The following PTPRS variants were observed in gnomAD, a reference collection of about 807,000 sequenced individuals.
The protein encoded by PTPRS is receptor-type tyrosine-protein phosphatase S.
PTPRS carries 63 observed loss-of-function variants against 215.3 expected under a neutral mutation model. The observed-to-expected ratio is 0.29, with a 90% confidence interval of 0.24 to 0.36. The LOEUF is 0.36. Among genes scored for constraint, PTPRS ranks in the 10% least tolerant of loss-of-function variants. The pLI is 1.00. For synonymous variants in PTPRS, 1,404 were observed against 1,191.4 expected, an observed-to-expected ratio of 1.18 and a Z score of -3.68; for missense variants, 2,258 against 2,825.8, an observed-to-expected ratio of 0.80 and a Z score of 4.56.
At chr19:5,310,746 C>T (rs1387642624) in intron 1 of PTPRS, among the ~76,000 whole-genome samples, 1 of 152,026 alleles carries the variant, frequency 6.6e-6, no homozygotes, top group African/African-American at 2.4e-5. Flanking sequence ...CACTCTGTCA[C>T]CCAGGCTGGA....
intron 16 of PTPRS, among the ~76,000 whole-genome samples, chr19:5,228,347 G>GAAAAAAAAAAAAAAAAA (rs71170899): frequency 2.4e-4 from 25 of 105,886 alleles, no homozygotes; most frequent in African/African-American, 8.1e-4. Flanking sequence ...TCCGTCTGGA[G>GAAAAAAAAAAAAAAAAA]AAAAAAAAAA....
At position 5,294,411 on chromosome 19, in the gene PTPRS, T is replaced by G. The variant is rs371305741; in HGVS notation, c.-94-8177A>C. 1 of 152,422 alleles carries G rather than the reference T, an allele frequency of 6.6e-6. No homozygotes were observed. Among genetic ancestry groups the G allele is most frequent in the Non-Finnish European group, 1.5e-5 (1 of 68,122 alleles). The allele number at this position is 152,422 out of a possible 1,614,324, so 9.4% of individuals were successfully genotyped here. A position where few individuals can be genotyped will look rare whatever the true frequency, so the allele number is the denominator to read the frequency against. ...GCTGGAGGCCTGGGGCCCCCGGAAC[T>G]GAGGATATATCATGAATAATTTCAA... is the stretch of plus-strand genomic sequence containing the variant. On this transcript the variant is annotated intron_variant, in intron 1 of 37. Transcript: ENST00000262963. The surrounding 1 kb of genome is among the most constrained non-coding windows in gnomAD (Gnocchi z 5.1).
At chr19:5,213,647 TAA>T in intron 30 of PTPRS, among the ~76,000 whole-genome samples, 1 of 54,558 alleles carries the variant, frequency 1.8e-5, no homozygotes, top group East Asian at 1.1e-3. Context: ...AACATATGCT[TAA>T]TGTATAACAT....
intron 16 of PTPRS, among the ~76,000 whole-genome samples, chr19:5,228,176 T>C (rs973716322): frequency 6.6e-6 from 1 of 151,250 alleles, no homozygotes; most frequent in African/African-American, 2.4e-5. Flanking sequence ...TGCCTGTTTG[T>C]TTGTTTATTA....
intron 1 of PTPRS, among the ~76,000 whole-genome samples, chr19:5,308,654 G>C (rs1228528087): frequency 1.3e-5 from 2 of 152,202 alleles, no homozygotes; most frequent in Non-Finnish European, 2.9e-5. Context: ...GTTCAGCAGT[G>C]GGGGAAGAGA....
chr19:5,247,328 G>A (rs2044592116), intron 9 of PTPRS, among the ~76,000 whole-genome samples: 1 of 152,068 alleles, frequency 6.6e-6, no homozygotes, highest in Non-Finnish European at 1.5e-5. Flanking sequence ...GACCATGAAG[G>A]CAGCAGGATG....
chr19:5,289,569 G>A (rs372252639), intron 1 of PTPRS, among the ~76,000 whole-genome samples: 17 of 151,890 alleles, frequency 1.1e-4, no homozygotes, highest in African/African-American at 3.9e-4. Context: ...TGTCCCCTCC[G>A]TGCCCTCCCC....
chr19:5,302,553 G>A (rs901578254), intron 1 of PTPRS, among the ~76,000 whole-genome samples: 2 of 152,102 alleles, frequency 1.3e-5, no homozygotes, highest in East Asian at 1.9e-4. Flanking sequence ...ATACTGTTGC[G>A]AACACCAGCA....
At position 5,216,748 on chromosome 19, in the gene PTPRS, G is replaced by C; in HGVS notation, c.4068C>G (p.Pro1356=). The change falls in exon 26 of 38, where the codon CCC becomes CCG. Residue 1356 remains proline (P), a synonymous_variant. Coordinates refer to ENST00000262963, the MANE Select transcript of PTPRS (RefSeq NM_002850.4). The stretch of plus-strand genomic sequence containing the variant: ...CAAAGTGAAACCCCGGCTCCCTGAG[G>C]GGGCTCCTGAGGCCTGAATCTGCAA... The part of the protein sequence containing the change: ...FQTPDSGLRS[P]LREPGFHFES... 6.3e-7 allele frequency: 1 copy of C among 1,578,230 alleles called. No homozygotes were observed. The highest frequency in any genetic ancestry group is 8.6e-7 in the Non-Finnish European group (1 of 1,161,320).
At chr19:5,308,475 CG>C (rs769952989) in intron 1 of PTPRS, among the ~76,000 whole-genome samples, 65 of 152,172 alleles carry the variant, frequency 4.3e-4, no homozygotes, top group Non-Finnish European at 6.3e-4. Flanking sequence ...TACATCCACA[CG>C]GAAGAGAGGG....
Position 5,219,444 on chromosome 19 carries a change from T to G in PTPRS, c.3789A>C (p.Ser1263=). The change falls in exon 23 of 38, where the codon TCA becomes TCC. Residue 1263 remains serine (S), a synonymous_variant. Coordinates refer to ENST00000262963, the MANE Select transcript of PTPRS (RefSeq NM_002850.4). ...SEPTFAASPF[S]DPFQLDNPDP... ...CCGGGTTATCCAGCTGGAAGGGGTC[T>G]GAGAAGGGACTGGCTGCAAAGGTCT... 1 of 1,603,606 alleles carries G rather than the reference T, an allele frequency of 6.2e-7. No individual in the cohort carries two copies.
At chr19:5,290,003 G>A (rs1271954560) in intron 1 of PTPRS, among the ~76,000 whole-genome samples, 1 of 152,240 alleles carries the variant, frequency 6.6e-6, no homozygotes, top group Non-Finnish European at 1.5e-5. Context: ...TAAGTCAGGT[G>A]CAGTAATCTG....
At chr19:5,306,394 C>T (rs2049495126) in intron 1 of PTPRS, among the ~76,000 whole-genome samples, 1 of 152,108 alleles carries the variant, frequency 6.6e-6, no homozygotes, top group Non-Finnish European at 1.5e-5. Flanking sequence ...ATACGCTGGC[C>T]TCGGCCTCCC....
chr19:5,278,647 G>A (rs8107312), intron 2 of PTPRS, among the ~76,000 whole-genome samples: 23,113 of 150,874 alleles, frequency 0.15, 2,008 homozygotes, highest in Middle Eastern at 0.23. Flanking sequence ...GCTAATTTTT[G>A]TATTTTTAGT....
chr19:5,248,947 T>G (rs997395267), intron 9 of PTPRS, among the ~76,000 whole-genome samples: 1 of 152,234 alleles, frequency 6.6e-6, no homozygotes, highest in African/African-American at 2.4e-5. Flanking sequence ...TGAAGTTACC[T>G]TTCAGCCTCC....
Position 5,257,097 on chromosome 19 carries a change from G to A in PTPRS, c.706+920C>T, listed in dbSNP as rs535121296. ...GCGACTAGGAGGTGAAAGGGAGGAG[G>A]AGGAGGAAGACTACAACTTCTGAAA... On this transcript the variant is annotated intron_variant, in intron 8 of 37. Coordinates refer to ENST00000262963, the MANE Select transcript of PTPRS (RefSeq NM_002850.4). This position sits in a 1 kb window ranked among gnomAD's most constrained non-coding sequence, Gnocchi z 4.4. Among the ~76,000 whole-genome samples the A allele has an allele frequency of 6.6e-6, 1 of 150,624 alleles. No individual in the cohort carries two copies. Among genetic ancestry groups the A allele is most frequent in the Non-Finnish European group, 1.5e-5 (1 of 67,704 alleles).
intron 1 of PTPRS, among the ~76,000 whole-genome samples, chr19:5,337,350 GGCCACGGGGCGCTCGGGTAGAAAT>G (rs1568629257): frequency 6.6e-6 from 1 of 152,210 alleles, no homozygotes; most frequent in African/African-American, 2.4e-5. Flanking sequence ...GTGAACGCGG[GGCCACGGGGCGCTCGGGTAGAAAT>G]GCCACGTCGC....
chr19:5,288,144 T>C (rs1053893426), intron 1 of PTPRS, among the ~76,000 whole-genome samples: 1 of 151,972 alleles, frequency 6.6e-6, no homozygotes, highest in Non-Finnish European at 1.5e-5. Context: ...CATACACAGT[T>C]GGGTTACAGG....
In PTPRS at chr19:5,222,223, G is replaced by A. The variant is rs763756204; in HGVS notation, c.3104-3C>T. 77 of 1,612,502 alleles carry A rather than the reference G, an allele frequency of 4.8e-5. No individual in the cohort carries two copies. Among genetic ancestry groups the A allele is most frequent in the Non-Finnish European group, 6.0e-5 (71 of 1,179,010 alleles). ...CACCTTGAAGTTCTTGGGCGAGACTGCCGGGGAGGCGGCCGAGCAGGGAGA... is the reference window on the plus strand; with the variant it reads ...CACCTTGAAGTTCTTGGGCGAGACTACCGGGGAGGCGGCCGAGCAGGGAGA... On this transcript the variant is annotated splice_polypyrimidine_tract_variant and splice_region_variant and intron_variant, in intron 18 of 37. Coordinates refer to ENST00000262963, the MANE Select transcript of PTPRS (RefSeq NM_002850.4).
Sources: gnomAD v4.1 joint callset for allele counts (sites outside exome capture counted in the v4.1 genomes callset) on GRCh38, gnomAD v4.1.1 for gene constraint, Gnocchi (gnomAD v3.1) non-coding constraint, MANE v1.5 for transcripts, NCBI Gene and HGNC (gene_info 2026-07-23, HGNC 2026-07-21) for gene names.